Variants in EYS observed in about 807,000 individuals in gnomAD.
EYS encodes protein eyes shut homolog.
EYS carries 250 observed loss-of-function variants against 282.1 expected under a neutral mutation model. That is an observed-to-expected ratio of 0.89 (90% confidence interval 0.80 to 0.98). EYS has a LOEUF of 0.98. Ranked by LOEUF, EYS falls within the 50% of genes least tolerant of loss-of-function variation. The pLI, the probability that EYS is intolerant of heterozygous loss-of-function variation, is 0.00. For synonymous variants in EYS, 1,355 were observed against 1,282.9 expected (o/e 1.06, Z -1.20); for missense variants, 4,016 against 3,709.0 (o/e 1.08, Z -2.15).
intron 26 of EYS, among the ~76,000 whole-genome samples, chr6:64,536,114 T>A (rs1764509795): frequency 6.6e-6 from 1 of 152,098 alleles, no homozygotes; most frequent in Non-Finnish European, 1.5e-5. Context: ...TATAAATATG[T>A]CAAAAATCAC....
intron 41 of EYS, among the ~76,000 whole-genome samples, chr6:63,742,972 T>A (rs776452409): frequency 5.3e-5 from 8 of 152,212 alleles, no homozygotes; most frequent in Non-Finnish European, 1.0e-4. Context: ...TTCTTTTTTT[T>A]TTCTGTATAA....
chr6:63,799,011 AT>A (rs1770717530), intron 37 of EYS, among the ~76,000 whole-genome samples: 7 of 132,980 alleles, frequency 5.3e-5, no homozygotes, highest in African/African-American at 2.1e-4. Context: ...ATATATATAT[AT>A]ATATATATAA....
chr6:65,583,573 G>C (rs1425993368), intron 2 of EYS, among the ~76,000 whole-genome samples: 3 of 152,010 alleles, frequency 2.0e-5, no homozygotes, highest in African/African-American at 7.2e-5. Context: ...GGGAAAAAAA[G>C]TTTGAGTTTC....
At chr6:64,825,603 T>C (rs1024343281) in intron 19 of EYS, among the ~76,000 whole-genome samples, 1 of 151,852 alleles carries the variant, frequency 6.6e-6, no homozygotes, top group Non-Finnish European at 1.5e-5. Context: ...TGTTAGTCCT[T>C]GCGAAGGTGA....
chr6:65,640,270 C>T (rs992093409), intron 1 of EYS, among the ~76,000 whole-genome samples: 2 of 152,104 alleles, frequency 1.3e-5, no homozygotes, highest in African/African-American at 2.4e-5. Flanking sequence ...AGGGAAATGT[C>T]AGCAGTAATT....
chr6:63,904,325 C>A (rs905097317), intron 35 of EYS, among the ~76,000 whole-genome samples: 1 of 152,144 alleles, frequency 6.6e-6, no homozygotes, highest in Non-Finnish European at 1.5e-5. Context: ...CTTTGACTTA[C>A]CCAACCTTTT....
intron 11 of EYS, chr6:65,331,522 T>C: frequency 4.2e-6 from 4 of 959,318 alleles, no homozygotes; most frequent in Non-Finnish European, 5.0e-6. Context: ...GCTCCATTGT[T>C]AGTATTAATT....
In EYS at chr6:63,923,666, C is replaced by G. The variant is rs551546923; in HGVS notation, c.7056-59308G>C. Among the ~76,000 whole-genome samples, 29 of 152,240 alleles carry G rather than the reference C, an allele frequency of 1.9e-4. No homozygotes were observed. In the South Asian group the frequency reaches 6.0e-3, roughly 32 times the overall value. ...CGTGATGCTGAGGTTGGGAGTACGACTGGTCCTTTCACCCAGGTACTGAGC... is the reference window on the plus strand; with the variant it reads ...CGTGATGCTGAGGTTGGGAGTACGAGTGGTCCTTTCACCCAGGTACTGAGC... On this transcript the variant is annotated intron_variant, in intron 35 of 42. Transcript: ENST00000503581.
At chr6:63,898,416 G>A (rs1450802292) in intron 35 of EYS, among the ~76,000 whole-genome samples, 2 of 152,118 alleles carry the variant, frequency 1.3e-5, no homozygotes, top group South Asian at 2.1e-4. Flanking sequence ...TTTTGAACCC[G>A]GGAGGCGGAG....
At chr6:64,194,161 A>G (rs115757000) in intron 31 of EYS, among the ~76,000 whole-genome samples, 4,118 of 152,166 alleles carry the variant, frequency 0.027, 58 homozygotes, top group African/African-American at 0.042. Flanking sequence ...ATGAGCCACC[A>G]CGCCAGGCCA....
intron 19 of EYS, among the ~76,000 whole-genome samples, chr6:64,846,780 G>C (rs1206630349): frequency 6.6e-6 from 1 of 151,986 alleles, no homozygotes; most frequent in Non-Finnish European, 1.5e-5. Context: ...TTTAGGGGAA[G>C]TATTTCATTA....
intron 35 of EYS, among the ~76,000 whole-genome samples, chr6:63,908,928 C>T (rs942932146): frequency 6.6e-6 from 1 of 151,948 alleles, no homozygotes; most frequent in Non-Finnish European, 1.5e-5. Context: ...GCTACTAAAC[C>T]TAAGACTGTT....
intron 29 of EYS, among the ~76,000 whole-genome samples, chr6:64,330,649 C>T (rs994300663): frequency 6.6e-6 from 1 of 152,168 alleles, no homozygotes; most frequent in Non-Finnish European, 1.5e-5. Context: ...TATGGGATGG[C>T]ATTGGCAGCC....
At chr6:64,598,178 G>A (rs914454496) in intron 24 of EYS, among the ~76,000 whole-genome samples, 5 of 152,082 alleles carry the variant, frequency 3.3e-5, no homozygotes, top group African/African-American at 1.2e-4. Context: ...AAAAGAGAAG[G>A]GGCCAGGCGT....
intron 1 of EYS, among the ~76,000 whole-genome samples, chr6:65,683,009 T>A (rs1000213360): frequency 6.6e-6 from 1 of 152,046 alleles, no homozygotes. Flanking sequence ...AGAACAGTAC[T>A]ATGTTCAGAT....
chr6:63,790,557 C>T (rs1362218861), intron 37 of EYS, among the ~76,000 whole-genome samples: 3 of 152,192 alleles, frequency 2.0e-5, no homozygotes, highest in African/African-American at 7.2e-5. Context: ...CACTTCCTCA[C>T]ATTCTGGTGA....
chr6:63,928,565 C>T (rs1035600422), intron 35 of EYS, among the ~76,000 whole-genome samples: 6 of 151,640 alleles, frequency 4.0e-5, no homozygotes, highest in African/African-American at 1.2e-4. Context: ...TGTGCGCATG[C>T]GTAGGTGCTG....
intron 26 of EYS, among the ~76,000 whole-genome samples, chr6:64,518,061 C>T (rs905478842): frequency 6.6e-6 from 1 of 151,796 alleles, no homozygotes; most frequent in Non-Finnish European, 1.5e-5. Flanking sequence ...GGCCTCATTT[C>T]AAACGTTTAC....
At chr6:64,512,340 A>G (rs1037059962) in intron 26 of EYS, among the ~76,000 whole-genome samples, 1 of 152,098 alleles carries the variant, frequency 6.6e-6, no homozygotes, top group Non-Finnish European at 1.5e-5. Flanking sequence ...TGGAAAGAAT[A>G]GTACCAGCCA....
Sources: gnomAD v4.1 joint callset for allele counts (sites outside exome capture counted in the v4.1 genomes callset) on GRCh38, gnomAD v4.1.1 for gene constraint, MANE v1.5 for transcripts, NCBI Gene and HGNC (gene_info 2026-07-23, HGNC 2026-07-21) for gene names.